Variants in IFI16 observed in about 807,000 individuals in gnomAD.
IFI16 encodes the protein interferon gamma inducible protein 16, also known as gamma-interferon-inducible protein 16.
A neutral mutation model predicts 68.4 loss-of-function variants in IFI16; 49 were observed. The ratio of observed to expected loss-of-function variants is 0.72; its 90% CI spans 0.57 to 0.91. The LOEUF is 0.91. Ranked by LOEUF, IFI16 falls within the 40% of genes least tolerant of loss-of-function variation. The pLI, the probability that IFI16 is intolerant of heterozygous loss-of-function variation, is 0.00. For missense variants in IFI16, 878 were observed against 942.9 expected, an observed-to-expected ratio of 0.93 and a Z score of 0.90; for synonymous variants, 307 against 315.0, an observed-to-expected ratio of 0.97 and a Z score of 0.27.
At chr1:159,028,273 T>C (rs894283831) in intron 6 of IFI16, among the ~76,000 whole-genome samples, 1 of 152,200 alleles carries the variant, frequency 6.6e-6, no homozygotes, top group Non-Finnish European at 1.5e-5. Context: ...TTATTGACTC[T>C]ATGATCATAC....
At chr1:159,037,581 A>T (rs966660779) in intron 7 of IFI16, among the ~76,000 whole-genome samples, 2 of 152,228 alleles carry the variant, frequency 1.3e-5, no homozygotes, top group African/African-American at 2.4e-5. Flanking sequence ...TATGAGAAAA[A>T]CAATCAGCTA....
Position 159,010,116 on chromosome 1 carries a change from T to C in IFI16, c.-66T>C, listed in dbSNP as rs1039175517. The C allele has an allele frequency of 4.6e-5, 7 of 152,232 alleles. No homozygotes were observed. The highest frequency in any genetic ancestry group is 1.0e-4 in the Non-Finnish European group (7 of 68,052). 9.4% of individuals were successfully genotyped at this position (152,232 alleles called of 1,614,324 possible). A position where few individuals can be genotyped will look rare whatever the true frequency, so the allele number is the denominator to read the frequency against. ...AAATAAGCATTGATTCCTGCATTTCTGAAGATCTCAAGATCTGGACTACTG... is the reference window on the plus strand; with the variant it reads ...AAATAAGCATTGATTCCTGCATTTCCGAAGATCTCAAGATCTGGACTACTG... On this transcript the variant is annotated 5_prime_UTR_variant, in exon 1 of 12. Transcript: ENST00000295809.
chr1:159,000,812 T>C (rs898433608), intron 1 of IFI16, among the ~76,000 whole-genome samples: 1 of 152,242 alleles, frequency 6.6e-6, no homozygotes, highest in Middle Eastern at 3.4e-3. Context: ...GCTTGGCTCA[T>C]GGGGGTGGAT....
At chr1:159,016,962 T>C (rs1488992173) in intron 4 of IFI16, among the ~76,000 whole-genome samples, 2 of 152,190 alleles carry the variant, frequency 1.3e-5, no homozygotes, top group Non-Finnish European at 2.9e-5. Flanking sequence ...AGCTGTGGGC[T>C]CACTGTCTAC....
At chr1:159,015,047 C>A in intron 2 of IFI16, 102 bp downstream of exon 2, 1 of 1,120,324 alleles carries the variant, frequency 8.9e-7, no homozygotes, top group Non-Finnish European at 1.3e-6. Flanking sequence ...GTGTTTTCCC[C>A]AGTTTGTGAC....
Position 159,045,768 on chromosome 1 carries a change from G to GA in IFI16, c.1497+310dup, listed in dbSNP as rs1362277901. On this transcript the variant is annotated intron_variant, in intron 8 of 11. Coordinates refer to ENST00000295809, the MANE Select transcript of IFI16 (RefSeq NM_001376587.1). The stretch of plus-strand genomic sequence containing the variant: ...AATACTTTAAGGTAGAACAAGGTGG[G>GA]AAAAAACAGAGCCAACCATAACACT... Among the ~76,000 whole-genome samples, 9 of 150,976 alleles carry GA rather than the reference G, an allele frequency of 6.0e-5. 2 individuals are homozygous for GA. The highest frequency in any genetic ancestry group is 2.7e-4 in the Admixed American group (4 of 15,070).
intron 1 of IFI16, among the ~76,000 whole-genome samples, chr1:159,013,834 G>T (rs1037308536): frequency 6.6e-6 from 1 of 152,184 alleles, no homozygotes; most frequent in African/African-American, 2.4e-5. Context: ...AAGTAAAAAA[G>T]ATGCAGCTTA....
intron 5 of IFI16, among the ~76,000 whole-genome samples, chr1:159,019,039 A>AATGAAGTATT: frequency 6.6e-6 from 1 of 152,264 alleles, no homozygotes; most frequent in South Asian, 2.1e-4. Flanking sequence ...TTTTATTTTG[A>AATGAAGTATT]ATGAAGTATT....
At chr1:159,026,556 C>T (rs1653683279) in intron 6 of IFI16, among the ~76,000 whole-genome samples, 1 of 152,074 alleles carries the variant, frequency 6.6e-6, no homozygotes, top group African/African-American at 2.4e-5. Flanking sequence ...GGCTTGGCCT[C>T]CCAAAGTGCT....
chr1:159,025,884 C>T (rs1653638119), intron 6 of IFI16, among the ~76,000 whole-genome samples: 2 of 152,196 alleles, frequency 1.3e-5, no homozygotes, highest in South Asian at 2.1e-4. Flanking sequence ...CATTCTTCTA[C>T]TTGTAGCTTG....
intron 6 of IFI16, among the ~76,000 whole-genome samples, chr1:159,027,935 G>T (rs1102949): frequency 6.6e-6 from 1 of 152,136 alleles, no homozygotes; most frequent in Non-Finnish European, 1.5e-5. Flanking sequence ...CGGTCTATGA[G>T]TTTTGTTTAT....
rs1427991779 is a variant in IFI16 at position 159,016,415 on chromosome 1, T to G, written c.382-118T>G. On this transcript the variant is annotated intron_variant, in intron 3 of 11. Coordinates refer to ENST00000295809, the MANE Select transcript of IFI16 (RefSeq NM_001376587.1). The stretch of plus-strand genomic sequence containing the variant: ...AACTGGCGAGAGATGGGCAGCAACC[T>G]CTCAAGTTTCCAAGAAACATCTTCT... 6 of 914,806 alleles carry G rather than the reference T, an allele frequency of 6.6e-6. No individual in the cohort carries two copies. In the East Asian group the frequency reaches 1.3e-4, roughly 20 times the overall value. 56.7% of individuals were successfully genotyped at this position (914,806 alleles called of 1,614,324 possible).
In IFI16 at chr1:159,011,652, A is replaced by G. The variant is rs1402866322; in HGVS notation, c.-21+1491A>G. 4.6e-5 allele frequency among the ~76,000 whole-genome samples: 3 copies of G among 64,754 alleles called. No individual in the cohort carries two copies. In the South Asian group the frequency reaches 1.3e-3, roughly 28 times the overall value. The allele number at this position is 64,754 out of a possible 152,430, so 42.5% of individuals were successfully genotyped here. On this transcript the variant is annotated intron_variant, in intron 1 of 11. Coordinates refer to ENST00000295809, the MANE Select transcript of IFI16 (RefSeq NM_001376587.1). ...CATAACTAAAACATAATTTTCTAGG[A>G]GTTGAAACTTTTATCATGTGGTATC...
At chr1:159,026,080 T>C (rs1653649688) in intron 6 of IFI16, among the ~76,000 whole-genome samples, 1 of 152,220 alleles carries the variant, frequency 6.6e-6, no homozygotes, top group Non-Finnish European at 1.5e-5. Flanking sequence ...TATGGCCTTA[T>C]AGTATACTTT....
chr1:159,011,660 CTT>C (rs1652573687), intron 1 of IFI16, among the ~76,000 whole-genome samples: 1 of 47,942 alleles, frequency 2.1e-5, no homozygotes, highest in Non-Finnish European at 1.6e-4. Flanking sequence ...GGAGTTGAAA[CTT>C]TTATCATGTG....
chr1:159,020,301 A>G (rs375533184), intron 5 of IFI16, 40 bp from the exon 6 acceptor site: 14 of 1,476,752 alleles, frequency 9.5e-6, no homozygotes, highest in Non-Finnish European at 1.3e-5. Context: ...GTTGTTATTA[A>G]TTACATTCTC....
At chr1:159,053,218 T>G (rs41264447) in intron 10 of IFI16, 7,135 of 200,020 alleles carry the variant, frequency 0.036, 158 homozygotes, top group Middle Eastern at 0.048. Flanking sequence ...ATTAATCAGA[T>G]TTTTCTGTAT....
At chr1:159,046,981 T>C (rs138662667) in intron 8 of IFI16, among the ~76,000 whole-genome samples, 20 of 143,234 alleles carry the variant, frequency 1.4e-4, no homozygotes, top group African/African-American at 5.0e-4. Context: ...TATCAACCCT[T>C]ATCCCAGCTT....
chr1:159,031,345 C>T (rs573432163), intron 6 of IFI16, among the ~76,000 whole-genome samples: 4 of 152,304 alleles, frequency 2.6e-5, no homozygotes, highest in African/African-American at 7.2e-5. Context: ...ATCACCCCCA[C>T]CCCTGGGTTC....
Sources: allele counts gnomAD v4.1 joint callset (sites outside exome capture counted in the v4.1 genomes callset), GRCh38; gene constraint gnomAD v4.1.1; transcripts MANE v1.5; gene names NCBI Gene and HGNC (gene_info 2026-07-23, HGNC 2026-07-21).